Variants in ZFP2 observed in about 807,000 individuals in gnomAD.
ZFP2 encodes the protein ZFP2 zinc finger protein.
Under a neutral mutation model 36.1 loss-of-function variants are expected in ZFP2, and 33 were observed. The ratio of observed to expected loss-of-function variants is 0.92; its 90% CI spans 0.69 to 1.22. ZFP2 has a LOEUF of 1.22. Among genes scored for constraint, ZFP2 ranks in the 50% most tolerant of loss-of-function variants. The pLI, the probability that ZFP2 is intolerant of heterozygous loss-of-function variation, is 0.00. For synonymous variants in ZFP2, 170 were observed against 178.0 expected (o/e 0.96, Z 0.36); for missense variants, 522 against 551.4 (o/e 0.95, Z 0.53).
Position 178,932,795 on chromosome 5 carries a change from G to A in ZFP2, c.*96G>A. ...AAACCTAATAAATGTAATGATTGTG[G>A]GAATCTTTCAGTTGAAGTACAATAT... On this transcript the variant is annotated 3_prime_UTR_variant, in exon 5 of 5. Coordinates refer to ENST00000361362, the MANE Select transcript of ZFP2 (RefSeq NM_030613.4). The A allele has an allele frequency of 7.0e-7, 1 of 1,429,834 alleles. No individual in the cohort carries two copies. Among genetic ancestry groups the A allele is most frequent in the South Asian group, 1.6e-5 (1 of 64,244 alleles). 88.6% of individuals were successfully genotyped at this position (1,429,834 alleles called of 1,614,324 possible).
intron 4 of ZFP2, among the ~76,000 whole-genome samples, chr5:178,917,038 G>C (rs1401363074): frequency 6.6e-6 from 1 of 152,116 alleles, no homozygotes; most frequent in Non-Finnish European, 1.5e-5. Context: ...GCTGTCCCTG[G>C]TGCCAGTATT....
intron 4 of ZFP2, among the ~76,000 whole-genome samples, 183 bp from the exon 5 acceptor site, chr5:178,931,054 C>T (rs1478059968): frequency 6.6e-6 from 1 of 152,184 alleles, no homozygotes; most frequent in African/African-American, 2.4e-5. Context: ...TGGATCAGTT[C>T]ACTGTTGTTT....
intron 1 of ZFP2, among the ~76,000 whole-genome samples, chr5:178,909,367 ATTGC>A (rs1256319691): frequency 2.6e-5 from 4 of 152,196 alleles, no homozygotes; most frequent in Non-Finnish European, 5.9e-5. Context: ...GCTGTAGATC[ATTGC>A]TTGATAAATG....
At chr5:178,896,071 CT>C (rs1374170215) in intron 1 of ZFP2, 97 bp downstream of exon 1, 2 of 152,336 alleles carry the variant, frequency 1.3e-5, no homozygotes, top group African/African-American at 4.8e-5. Flanking sequence ...CCCCAGCTTC[CT>C]GAGGGTTGAG....
intron 1 of ZFP2, among the ~76,000 whole-genome samples, chr5:178,901,321 A>G (rs1018954112): frequency 3.9e-5 from 6 of 152,174 alleles, no homozygotes; most frequent in Non-Finnish European, 8.8e-5. Flanking sequence ...TGGTGTATCC[A>G]TTTCCAAGAG....
At chr5:178,915,322 C>CTT (rs769089977) in intron 3 of ZFP2, among the ~76,000 whole-genome samples, 731 of 72,604 alleles carry the variant, frequency 0.01, 20 homozygotes, top group African/African-American at 0.034. Context: ...GTTTTTCTTT[C>CTT]TTTTTTTTTT....
At chr5:178,896,612 CT>C (rs1416218578) in intron 1 of ZFP2, among the ~76,000 whole-genome samples, 1 of 152,128 alleles carries the variant, frequency 6.6e-6, no homozygotes, top group Non-Finnish European at 1.5e-5. Context: ...GGAATCTTTT[CT>C]TTTTTTCCTT....
At chr5:178,930,289 ATTTC>A (rs772612107) in intron 4 of ZFP2, among the ~76,000 whole-genome samples, 201 of 85,480 alleles carry the variant, frequency 2.4e-3, no homozygotes, top group African/African-American at 7.9e-3. Context: ...CCTATATCAT[ATTTC>A]TTTCTTTTTT....
chr5:178,896,459 C>T (rs571262892), intron 1 of ZFP2, among the ~76,000 whole-genome samples: 42 of 152,328 alleles, frequency 2.8e-4, no homozygotes, highest in African/African-American at 8.9e-4. Context: ...GAGGCTGGGT[C>T]TCCCTGTGCA....
chr5:178,897,422 G>A (rs1757966614), intron 1 of ZFP2, among the ~76,000 whole-genome samples: 1 of 152,060 alleles, frequency 6.6e-6, no homozygotes, highest in African/African-American at 2.4e-5. Flanking sequence ...AGGTTCTTAT[G>A]GTCACACATG....
chr5:178,908,735 A>G (rs913796377), intron 1 of ZFP2, among the ~76,000 whole-genome samples: 3 of 152,132 alleles, frequency 2.0e-5, no homozygotes, highest in Non-Finnish European at 4.4e-5. Flanking sequence ...AGATTCCCCC[A>G]AAACAAGAAA....
chr5:178,928,715 C>T (rs1364745303), intron 4 of ZFP2, among the ~76,000 whole-genome samples: 2 of 152,196 alleles, frequency 1.3e-5, no homozygotes, highest in African/African-American at 4.8e-5. Flanking sequence ...AGGGTGCAAA[C>T]TGCCAGTGCA....
chr5:178,922,671 C>T lies in ZFP2; in HGVS notation c.-78+5961C>T, dbSNP rs1758581570. The stretch of plus-strand genomic sequence containing the variant: ...CCACGTGGCTGGCCTTGTTATTTCA[C>T]CACTCTGGATATACTGGAATAGAAA... On this transcript the variant is annotated intron_variant, in intron 4 of 4. Coordinates refer to ENST00000361362, the MANE Select transcript of ZFP2 (RefSeq NM_030613.4). 5 of 1,586,452 alleles carry T rather than the reference C, an allele frequency of 3.2e-6. 1 individual carries two copies. Among genetic ancestry groups the T allele is most frequent in the Admixed American group, 1.7e-5 (1 of 59,344 alleles).
At chr5:178,929,517 G>A (rs1349808855) in intron 4 of ZFP2, among the ~76,000 whole-genome samples, 2 of 152,154 alleles carry the variant, frequency 1.3e-5, no homozygotes, top group South Asian at 2.1e-4. Context: ...TAGGGCAGGG[G>A]CACAGTACAG....
At position 178,931,495 on chromosome 5, in the gene ZFP2, T is replaced by C. The variant is rs1286389478; in HGVS notation, c.182T>C (p.Leu61Pro). The stretch of plus-strand genomic sequence containing the variant: ...AGATGTTCCAGTCAGGATTCAATCC[T>C]TGATACACAGCAAAGCATTCCTATG... ...FERCSSQDSI[L>P]DTQQSIPMVK... The change falls in exon 5 of 5, where the codon CTT (leucine) becomes CCT (proline). Residue 61 changes from leucine to proline, a missense_variant. Leu to Pro is a moderately conservative substitution (Grantham distance 98). Transcript: ENST00000361362. The C allele has an allele frequency of 3.1e-6, 5 of 1,614,058 alleles. No homozygotes were observed. Among genetic ancestry groups the C allele is most frequent in the Middle Eastern group, 1.6e-4 (1 of 6,084 alleles).
chr5:178,930,314 CTTTTTTTTTTTTTTTTTTT>C (rs990713790), intron 4 of ZFP2, among the ~76,000 whole-genome samples: 1 of 71,324 alleles, frequency 1.4e-5, no homozygotes, highest in Non-Finnish European at 2.5e-5. Context: ...TTTCCCTTTC[CTTTTTTTTTTTTTTTTTTT>C]TTTTTGAGAC....
Position 178,931,280 on chromosome 5 carries a change from G to A in ZFP2, c.-34G>A, listed in dbSNP as rs192748383. The A allele has an allele frequency of 1.8e-4, 272 of 1,539,986 alleles. No homozygotes were observed. The African/African-American group carries it at 2.1e-3, about 12-fold the overall frequency. On this transcript the variant is annotated 5_prime_UTR_variant, in exon 5 of 5. Transcript: ENST00000361362. ...AAACCAAAGAGCCAACTCCGAAGCC[G>A]GGTATTACTGAAGATTTATGCCATG...
chr5:178,920,877 C>A (rs1028856944), intron 4 of ZFP2, among the ~76,000 whole-genome samples: 2 of 152,186 alleles, frequency 1.3e-5, no homozygotes, highest in Non-Finnish European at 2.9e-5. Flanking sequence ...TTTATATTCT[C>A]AGTGACTTCA....
At chr5:178,907,132 C>A (rs995981914) in intron 1 of ZFP2, among the ~76,000 whole-genome samples, 1 of 152,034 alleles carries the variant, frequency 6.6e-6, no homozygotes, top group African/African-American at 2.4e-5. Context: ...GAACTGGACC[C>A]TCTTGTGAGG....
Sources: allele counts gnomAD v4.1 joint callset (sites outside exome capture counted in the v4.1 genomes callset), GRCh38; gene constraint gnomAD v4.1.1; transcripts MANE v1.5; gene names NCBI Gene and HGNC (gene_info 2026-07-23, HGNC 2026-07-21).